The following COL4A4 variants were observed in gnomAD, a reference collection of about 807,000 sequenced individuals.
The protein encoded by COL4A4 is collagen type IV alpha 4 chain, also known as collagen alpha-4(IV) chain.
A neutral mutation model predicts 192.9 loss-of-function variants in COL4A4; 105 were observed. That is an observed-to-expected ratio of 0.54 (90% CI 0.46 to 0.64). The LOEUF is 0.64. Ranked by LOEUF, COL4A4 falls within the 30% of genes least tolerant of loss-of-function variation. The pLI, the probability that COL4A4 is intolerant of heterozygous loss-of-function variation, is 0.00. For synonymous variants in COL4A4, 762 were observed against 769.9 expected (o/e 0.99, Z 0.17); for missense variants, 1,967 against 2,169.3 (o/e 0.91, Z 1.85).
Position 227,082,104 on chromosome 2 carries a change from A to G in COL4A4, c.1696+11T>C. ...AAAATGGCAGGGAGTTAAGTGATTG[A>G]TTATGCTCACCTTTAACTCTTGATA... On this transcript the variant is annotated intron_variant, in intron 23 of 47. Transcript: ENST00000396625. The G allele has an allele frequency of 6.2e-7, 1 of 1,613,164 alleles. No homozygotes were observed. Among genetic ancestry groups the G allele is most frequent in the East Asian group, 2.2e-5 (1 of 44,874 alleles).
At chr2:227,023,796 G>A (rs1966481131) in intron 43 of COL4A4, among the ~76,000 whole-genome samples, 1 of 151,866 alleles carries the variant, frequency 6.6e-6, no homozygotes, top group Non-Finnish European at 1.5e-5. Flanking sequence ...GACAGATCAC[G>A]AGGTCAAGAG....
chr2:227,115,589 T>C (rs1576624333), intron 7 of COL4A4, among the ~76,000 whole-genome samples: 2 of 151,244 alleles, frequency 1.3e-5, no homozygotes, highest in East Asian at 3.9e-4. Context: ...CAATTCTTAA[T>C]ATATCTTCTC....
chr2:227,120,874 G>T lies in COL4A4; in HGVS notation c.327+140C>A, dbSNP rs575806758. 2.7e-6 allele frequency: 3 copies of T among 1,114,782 alleles called. No homozygotes were observed. The East Asian group carries it at 7.4e-5, about 28-fold the overall frequency. 69.1% of individuals were successfully genotyped at this position (1,114,782 alleles called of 1,614,324 possible). A position where few individuals can be genotyped will look rare whatever the true frequency, so the allele number is the denominator to read the frequency against. On this transcript the variant is annotated intron_variant, in intron 5 of 47. Transcript: ENST00000396625. ...GGCTCGCTTGAACCTGGGAGGCGAA[G>T]GCTGCAGTGAGCTGAGATCCCACCA...
chr2:227,051,202 G>A (rs756288172), intron 32 of COL4A4, 44 bp from the exon 33 acceptor site: 3 of 1,603,574 alleles, frequency 1.9e-6, no homozygotes, highest in Non-Finnish European at 2.6e-6. Flanking sequence ...GAAATTTTGA[G>A]CTAGGTAATA....
At chr2:227,089,626 T>TATAC (rs2059800153) in intron 21 of COL4A4, among the ~76,000 whole-genome samples, 1 of 137,630 alleles carries the variant, frequency 7.3e-6, no homozygotes, top group Non-Finnish European at 1.6e-5. Context: ...TATATATAAA[T>TATAC]ATATAAGACA....
chr2:227,141,047 A>G (rs2063174070), intron 3 of COL4A4, among the ~76,000 whole-genome samples: 1 of 152,304 alleles, frequency 6.6e-6, no homozygotes, highest in East Asian at 1.9e-4. Flanking sequence ...CCTTAACAGC[A>G]ATCACCATGA....
intron 34 of COL4A4, among the ~76,000 whole-genome samples, chr2:227,049,706 C>T (rs1973647760): frequency 6.6e-6 from 1 of 152,218 alleles, no homozygotes; most frequent in African/African-American, 2.4e-5. Flanking sequence ...ATACTGGCTC[C>T]TGCGGGACAT....
At chr2:227,099,810 G>T in intron 17 of COL4A4, 121 bp from the exon 18 acceptor site, 1 of 851,248 alleles carries the variant, frequency 1.2e-6, no homozygotes, top group Admixed American at 2.0e-5. Context: ...ATTATAGGCT[G>T]ACTAGAGAAA....
intron 13 of COL4A4, 69 bp downstream of exon 13, chr2:227,103,903 C>T (rs951679773): frequency 2.5e-6 from 3 of 1,214,990 alleles, no homozygotes; most frequent in Non-Finnish European, 3.6e-6. Flanking sequence ...TACTTTGCTG[C>T]CACAGATCCA....
chr2:227,105,293 T>G (rs1318815829), intron 12 of COL4A4, among the ~76,000 whole-genome samples: 4 of 149,442 alleles, frequency 2.7e-5, no homozygotes, highest in African/African-American at 7.4e-5. Flanking sequence ...CGGGCTCAAG[T>G]GATTCTTGTG....
intron 13 of COL4A4, 134 bp downstream of exon 13, chr2:227,103,838 C>T: frequency 2.7e-6 from 2 of 740,304 alleles, no homozygotes; most frequent in Non-Finnish European, 4.7e-6. Flanking sequence ...AACAGTAGTA[C>T]CAACTTATTA....
intron 22 of COL4A4, among the ~76,000 whole-genome samples, chr2:227,085,774 C>A (rs571522630): frequency 1.3e-5 from 2 of 152,232 alleles, no homozygotes; most frequent in South Asian, 2.1e-4. Flanking sequence ...CCCCCATGAC[C>A]AAAACACCTC....
intron 46 of COL4A4, 62 bp from the exon 47 acceptor site, chr2:227,008,366 T>A (rs1262260314): frequency 1.1e-5 from 17 of 1,563,268 alleles, no homozygotes; most frequent in Non-Finnish European, 1.5e-5. Context: ...TCCCAGACCC[T>A]TCCTTCCTCC....
chr2:227,110,072 G>A (rs1278771204), intron 9 of COL4A4, among the ~76,000 whole-genome samples: 2 of 152,126 alleles, frequency 1.3e-5, no homozygotes, highest in Admixed American at 6.5e-5. Flanking sequence ...AGATCAAGAT[G>A]AGTCAGCCAT....
chr2:227,090,134 T>C (rs374600966), intron 20 of COL4A4, among the ~76,000 whole-genome samples, 177 bp from the exon 21 acceptor site: 1 of 152,208 alleles, frequency 6.6e-6, no homozygotes, highest in East Asian at 1.9e-4. Context: ...TATACACACA[T>C]ATAGATGATG....
the COL4A4 span, among the ~76,000 whole-genome samples, chr2:226,986,913 A>G: frequency 2.0e-5 from 3 of 152,240 alleles, no homozygotes; most frequent in African/African-American, 7.2e-5. Flanking sequence ...ATAATAGCAG[A>G]CTTGGGGCCA....
chr2:227,097,501 T>C lies in COL4A4; in HGVS notation c.1204+1193A>G, dbSNP rs149065889. 9.2e-5 allele frequency among the ~76,000 whole-genome samples: 14 copies of C among 152,320 alleles called. No homozygotes were observed. In the East Asian group the frequency reaches 2.7e-3, roughly 29 times the overall value. On this transcript the variant is annotated intron_variant, in intron 19 of 47. Coordinates refer to ENST00000396625, the MANE Select transcript of COL4A4 (RefSeq NM_000092.5). Reference sequence around the variant, plus strand: ...AAAGCTATTGGGTTAATTTATTTTTTAAAACCTTGTGAATTAAGAGGTTTC... The same window carrying C: ...AAAGCTATTGGGTTAATTTATTTTTCAAAACCTTGTGAATTAAGAGGTTTC...
chr2:227,141,844 G>C (rs1172716834), intron 3 of COL4A4, among the ~76,000 whole-genome samples: 1 of 151,978 alleles, frequency 6.6e-6, no homozygotes, highest in Admixed American at 6.6e-5. Flanking sequence ...CCCAGGTCGG[G>C]ACAGCATGAA....
chr2:227,048,099 G>T (rs1165980201), intron 34 of COL4A4, among the ~76,000 whole-genome samples: 1 of 152,140 alleles, frequency 6.6e-6, no homozygotes, highest in Admixed American at 6.6e-5. Flanking sequence ...ACTCCATAAT[G>T]CTTCCAGACA....
Sources: gnomAD v4.1 joint callset for allele counts (sites outside exome capture counted in the v4.1 genomes callset) on GRCh38, gnomAD v4.1.1 for gene constraint, MANE v1.5 for transcripts, NCBI Gene and HGNC (gene_info 2026-07-23, HGNC 2026-07-21) for gene names.